The following VPS50 variants were observed in gnomAD, a reference collection of about 807,000 sequenced individuals.
The protein encoded by VPS50 is syndetin.
A neutral mutation model predicts 139.7 loss-of-function variants in VPS50; 70 were observed. The ratio of observed to expected loss-of-function variants is 0.50; its 90% confidence interval spans 0.41 to 0.61. VPS50 has a LOEUF of 0.61. Among genes scored for constraint, VPS50 ranks in the 20% least tolerant of loss-of-function variants. The probability of loss-of-function intolerance (pLI) is 0.00; values close to 1 mark genes in which losing one functional copy is unlikely to be tolerated. For missense variants in VPS50, 921 were observed against 1,133.7 expected (o/e 0.81, Z 2.69); for synonymous variants, 365 against 376.7 (o/e 0.97, Z 0.36).
At position 93,358,474 on chromosome 7, in the gene VPS50, A is replaced by T. The variant is rs749558348; in HGVS notation, c.*38A>T. Reference sequence around the variant, plus strand: ...TCTTTCCTCAATGGCATTGATCCTCACTCAACATATATGACCTGAAAGCCA... The same window carrying T: ...TCTTTCCTCAATGGCATTGATCCTCTCTCAACATATATGACCTGAAAGCCA... On this transcript the variant is annotated 3_prime_UTR_variant, in exon 28 of 28. Coordinates refer to ENST00000305866, the MANE Select transcript of VPS50 (RefSeq NM_017667.4). 6.3e-7 allele frequency: 1 copy of T among 1,591,250 alleles called. No homozygotes were observed. Among genetic ancestry groups the T allele is most frequent in the Non-Finnish European group, 8.6e-7 (1 of 1,162,306 alleles).
chr7:93,333,031 C>G (rs562955132), intron 21 of VPS50, among the ~76,000 whole-genome samples: 1 of 151,960 alleles, frequency 6.6e-6, no homozygotes, highest in Admixed American at 6.6e-5. Context: ...GTGCTGGTTG[C>G]GAGATTGTAT....
At chr7:93,297,390 T>C in intron 16 of VPS50, 147 bp downstream of exon 16, 2 of 865,940 alleles carry the variant, frequency 2.3e-6, no homozygotes, top group Non-Finnish European at 3.1e-6. Flanking sequence ...TTAAGGATTT[T>C]TTTAACCAAA....
intron 23 of VPS50, among the ~76,000 whole-genome samples, chr7:93,342,734 C>T (rs1469058736): frequency 6.6e-6 from 1 of 152,208 alleles, no homozygotes; most frequent in Non-Finnish European, 1.5e-5. Flanking sequence ...TGACACCTCA[C>T]ACGACTGGGT....
At chr7:93,243,216 A>G (rs1166094625) in intron 2 of VPS50, among the ~76,000 whole-genome samples, 1 of 152,006 alleles carries the variant, frequency 6.6e-6, no homozygotes, top group Non-Finnish European at 1.5e-5. Context: ...AGAACTTGCT[A>G]GAGGAAAGGA....
At chr7:93,251,487 G>A (rs1795330158) in intron 2 of VPS50, among the ~76,000 whole-genome samples, 1 of 149,840 alleles carries the variant, frequency 6.7e-6, no homozygotes, top group Non-Finnish European at 1.5e-5. Flanking sequence ...AGAACACATA[G>A]AGGGGAACGT....
At chr7:93,263,126 G>A (rs1795737054) in intron 9 of VPS50, among the ~76,000 whole-genome samples, 2 of 151,282 alleles carry the variant, frequency 1.3e-5, no homozygotes, top group Middle Eastern at 3.4e-3. Context: ...GAGCTCTCTA[G>A]TTGGGCCTAC....
chr7:93,312,410 A>G (rs1797295794), intron 20 of VPS50, among the ~76,000 whole-genome samples: 1 of 152,158 alleles, frequency 6.6e-6, no homozygotes, highest in African/African-American at 2.4e-5. Flanking sequence ...TCTCTCATAC[A>G]TGGTAGCTGT....
chr7:93,291,884 C>T, intron 13 of VPS50, 49 bp downstream of exon 13: 1 of 1,286,578 alleles, frequency 7.8e-7, no homozygotes, highest in African/African-American at 1.5e-5. Context: ...ATAAATATCC[C>T]ACATTACTGG....
chr7:93,282,526 A>G (rs77674120), intron 12 of VPS50, among the ~76,000 whole-genome samples: 2,325 of 152,302 alleles, frequency 0.015, 73 homozygotes, highest in African/African-American at 0.053. Context: ...TGGTATTTCA[A>G]TTTACACTCC....
chr7:93,237,069 G>A (rs145632674), intron 1 of VPS50, among the ~76,000 whole-genome samples: 3,917 of 143,350 alleles, frequency 0.027, 187 homozygotes, highest in African/African-American at 0.096. Flanking sequence ...GCCTGCCTCA[G>A]CCTCTCAAGT....
chr7:93,271,220 T>C lies in VPS50; in HGVS notation c.660T>C (p.Ser220=). 6.4e-7 allele frequency: 1 copy of C among 1,563,970 alleles called. No individual in the cohort carries two copies. The stretch of plus-strand genomic sequence containing the variant: ...AAACTGTTTTTTTTTTTTTTAATAG[T>C]GAACTGAATTCAAAGCTGCAAGATA... The part of the protein sequence containing the change: ...ASTFKHYSCI[S]ELNSKLQDTL... Residue 220 remains serine (S), a splice_region_variant and synonymous_variant, in exon 10 of 28, where the codon AGT becomes AGC. Coordinates refer to ENST00000305866, the MANE Select transcript of VPS50 (RefSeq NM_017667.4).
intron 9 of VPS50, among the ~76,000 whole-genome samples, chr7:93,263,005 TG>T (rs1795731402): frequency 6.6e-6 from 1 of 152,250 alleles, no homozygotes; most frequent in Non-Finnish European, 1.5e-5. Context: ...CTTTTATTTT[TG>T]TCTTTATAAA....
At chr7:93,348,645 C>A in intron 23 of VPS50, 66 bp from the exon 24 acceptor site, 1 of 1,056,180 alleles carries the variant, frequency 9.5e-7, no homozygotes, top group Non-Finnish European at 1.4e-6. Flanking sequence ...AATACTTATA[C>A]GAAAGCATGA....
intron 20 of VPS50, among the ~76,000 whole-genome samples, chr7:93,314,280 T>C (rs1797357193): frequency 6.6e-6 from 1 of 152,158 alleles, no homozygotes; most frequent in Admixed American, 6.5e-5. Flanking sequence ...AAAGGCATAT[T>C]TAAAATGTCC....
At chr7:93,325,381 T>C (rs1584471483) in intron 21 of VPS50, among the ~76,000 whole-genome samples, 1 of 152,066 alleles carries the variant, frequency 6.6e-6, no homozygotes, top group African/African-American at 2.4e-5. Context: ...ATTCAGGACA[T>C]AGGCATGGGC....
At chr7:93,325,758 C>T (rs2117026854) in intron 21 of VPS50, among the ~76,000 whole-genome samples, 1 of 151,566 alleles carries the variant, frequency 6.6e-6, no homozygotes, top group Middle Eastern at 3.4e-3. Flanking sequence ...TACCATCTCA[C>T]ACCAGTTAGA....
chr7:93,287,003 T>C (rs1796507097), intron 12 of VPS50, among the ~76,000 whole-genome samples: 1 of 151,260 alleles, frequency 6.6e-6, no homozygotes, highest in Admixed American at 6.6e-5. Flanking sequence ...GTTTTTTTTT[T>C]TTTTTTAAAA....
chr7:93,263,848 A>G (rs1365129792), intron 9 of VPS50, among the ~76,000 whole-genome samples: 3 of 152,222 alleles, frequency 2.0e-5, no homozygotes, highest in South Asian at 4.1e-4. Context: ...TTTGGAAAGA[A>G]AAAACAGCAA....
At chr7:93,312,874 A>T (rs931573463) in intron 20 of VPS50, among the ~76,000 whole-genome samples, 2 of 152,112 alleles carry the variant, frequency 1.3e-5, no homozygotes, top group Non-Finnish European at 2.9e-5. Context: ...AATCATTGTC[A>T]TCCTCCTTAG....
Sources: allele counts gnomAD v4.1 joint callset (sites outside exome capture counted in the v4.1 genomes callset), GRCh38; gene constraint gnomAD v4.1.1; transcripts MANE v1.5; gene names NCBI Gene and HGNC (gene_info 2026-07-23, HGNC 2026-07-21).